Variants in PTPRN2 observed in about 807,000 individuals in gnomAD.
The protein encoded by PTPRN2 is receptor-type tyrosine-protein phosphatase N2.
PTPRN2 carries 74 observed loss-of-function variants against 118.8 expected under a neutral mutation model. The ratio of observed to expected loss-of-function variants is 0.62; its 90% CI spans 0.52 to 0.76. The LOEUF is 0.76. Ranked by LOEUF, PTPRN2 falls within the 30% of genes least tolerant of loss-of-function variation. The pLI is 0.00. For missense variants in PTPRN2, 1,481 were observed against 1,394.4 expected (o/e 1.06, Z -0.99); for synonymous variants, 641 against 608.0 (o/e 1.05, Z -0.80).
chr7:158,341,995 G>C (rs867796676), intron 2 of PTPRN2, among the ~76,000 whole-genome samples: 1,213 of 68,870 alleles, frequency 0.018, no homozygotes, highest in Middle Eastern at 0.074. Context: ...ACCATAAGAG[G>C]TGACACCTGC....
intron 1 of PTPRN2, among the ~76,000 whole-genome samples, chr7:158,575,904 T>C (rs1828294884): frequency 1.3e-5 from 2 of 152,248 alleles, no homozygotes; most frequent in Admixed American, 6.5e-5. Flanking sequence ...TAGATTGTTT[T>C]ATAGAAAACT....
rs1563254067 is a variant in PTPRN2 at position 158,407,130 on chromosome 7, GGTCCTGC to G, written c.163+82598_163+82604del. ...CCTGGGTCCTGCGTCCTGGGTCCTG[GGTCCTGC>G]GTCCTGCGTCCTGGGTCCTGGGTCC... On this transcript the variant is annotated intron_variant, in intron 2 of 22. Coordinates refer to ENST00000389418, the MANE Select transcript of PTPRN2 (RefSeq NM_002847.5). Among the ~76,000 whole-genome samples the G allele has an allele frequency of 1.1e-3, 166 of 146,122 alleles. 2 individuals carry two copies. The highest frequency in any genetic ancestry group is 3.6e-3 in the African/African-American group (144 of 39,792).
chr7:157,583,010 G>T lies in PTPRN2; in HGVS notation c.2497-4870C>A, dbSNP rs986263534. 1.3e-5 allele frequency among the ~76,000 whole-genome samples: 2 copies of T among 152,102 alleles called. No homozygotes were observed. Among genetic ancestry groups the T allele is most frequent in the African/African-American group, 2.4e-5 (1 of 41,430 alleles). On this transcript the variant is annotated intron_variant, in intron 17 of 22. Coordinates refer to ENST00000389418, the MANE Select transcript of PTPRN2 (RefSeq NM_002847.5). The surrounding 1 kb of genome is among the most constrained non-coding windows in gnomAD (Gnocchi z 5.5). ...AGGAAATAAAATCAGTGTGTGGAAG[G>T]GACATCAGCACCCCTTTGTTTATTG...
At chr7:158,472,176 C>T (rs552158889) in intron 2 of PTPRN2, among the ~76,000 whole-genome samples, 2 of 152,292 alleles carry the variant, frequency 1.3e-5, no homozygotes, top group Admixed American at 6.5e-5. Context: ...TCAAAGTCAC[C>T]GTGGGTCCCA....
chr7:158,326,903 ACATG>A, intron 2 of PTPRN2, among the ~76,000 whole-genome samples: 7 of 150,554 alleles, frequency 4.6e-5, no homozygotes, highest in South Asian at 2.1e-4. Flanking sequence ...ACATTCTCAC[ACATG>A]CACATGCTCA....
At chr7:157,755,942 A>G (rs1244081945) in intron 12 of PTPRN2, among the ~76,000 whole-genome samples, 1 of 152,222 alleles carries the variant, frequency 6.6e-6, no homozygotes, top group Non-Finnish European at 1.5e-5. Flanking sequence ...TTCCCACGGC[A>G]GCGTCCAGCA....
chr7:158,260,841 C>T (rs889903008), intron 3 of PTPRN2, among the ~76,000 whole-genome samples: 5 of 152,266 alleles, frequency 3.3e-5, no homozygotes, highest in African/African-American at 9.6e-5. Context: ...GCTGATCAGT[C>T]GCACAGGCCG....
At chr7:157,896,028 A>G (rs951202992) in intron 12 of PTPRN2, among the ~76,000 whole-genome samples, 2 of 152,108 alleles carry the variant, frequency 1.3e-5, no homozygotes, top group Admixed American at 6.5e-5. Flanking sequence ...CACAAAACCC[A>G]GACCCCCCGA....
intron 3 of PTPRN2, among the ~76,000 whole-genome samples, chr7:158,311,718 G>A (rs1354907902): frequency 3.9e-5 from 6 of 152,246 alleles, no homozygotes; most frequent in Non-Finnish European, 8.8e-5. Context: ...GAAGACGACA[G>A]GCAGAAGCAC....
chr7:158,456,600 A>G (rs1818526345), intron 2 of PTPRN2, among the ~76,000 whole-genome samples: 1 of 151,872 alleles, frequency 6.6e-6, no homozygotes, highest in Admixed American at 6.5e-5. Context: ...CGCAGAGAAG[A>G]TAACGGCACG....
chr7:158,341,392 C>A (rs1399606612), intron 2 of PTPRN2, among the ~76,000 whole-genome samples: 1 of 150,730 alleles, frequency 6.6e-6, no homozygotes, highest in African/African-American at 2.5e-5. Context: ...CACACTCTCA[C>A]CATAAGAGCT....
chr7:157,686,160 G>C (rs896414103), intron 12 of PTPRN2, among the ~76,000 whole-genome samples: 4 of 152,206 alleles, frequency 2.6e-5, no homozygotes, highest in Non-Finnish European at 4.4e-5. Flanking sequence ...GAAGTCGCTG[G>C]ATCCCAGGGC....
At chr7:157,650,757 G>A (rs1303015402) in intron 14 of PTPRN2, among the ~76,000 whole-genome samples, 10 of 152,240 alleles carry the variant, frequency 6.6e-5, no homozygotes, top group African/African-American at 2.4e-4. Flanking sequence ...GTGGCGTGGG[G>A]TGCAGGGGAC....
At chr7:158,374,847 A>G (rs992505440) in intron 2 of PTPRN2, among the ~76,000 whole-genome samples, 4 of 152,246 alleles carry the variant, frequency 2.6e-5, no homozygotes, top group Admixed American at 1.3e-4. Context: ...TCTAAGTCAC[A>G]GCACAGGCAG....
In PTPRN2 at chr7:157,729,664, G is replaced by A. The variant is rs1192199778; in HGVS notation, c.1789-46727C>T. Among the ~76,000 whole-genome samples the A allele has an allele frequency of 6.6e-6, 1 of 152,170 alleles. No homozygotes were observed. Among genetic ancestry groups the A allele is most frequent in the Non-Finnish European group, 1.5e-5 (1 of 68,028 alleles). The stretch of plus-strand genomic sequence containing the variant: ...TCCTGGTCCTGACCCAGTCCTGCAG[G>A]GAGGTCCTGGGAGGGTCGCTAGGGT... On this transcript the variant is annotated intron_variant, in intron 12 of 22. Transcript: ENST00000389418. The surrounding 1 kb of genome is among the most constrained non-coding windows in gnomAD (Gnocchi z 4.3).
In PTPRN2 at chr7:157,560,434, G is replaced by A. The variant is rs1011482394; in HGVS notation, c.2902+8468C>T. Among the ~76,000 whole-genome samples the A allele has an allele frequency of 2.0e-5, 3 of 152,276 alleles. No individual in the cohort carries two copies. Among genetic ancestry groups the A allele is most frequent in the African/African-American group, 7.2e-5 (3 of 41,546 alleles). On this transcript the variant is annotated intron_variant, in intron 21 of 22. Transcript: ENST00000389418. The surrounding 1 kb of genome is among the most constrained non-coding windows in gnomAD (Gnocchi z 6.7). ...CACCAGGCGATCGACACCAGGGTCC[G>A]CCTGTGCCCTGCCTGGGTGGGGTCA...
At chr7:158,191,273 C>A (rs897047184) in intron 5 of PTPRN2, among the ~76,000 whole-genome samples, 5 of 152,188 alleles carry the variant, frequency 3.3e-5, no homozygotes, top group African/African-American at 1.2e-4. Context: ...CTGGTGAGAC[C>A]CCAGTGGAGT....
At chr7:158,457,019 C>T (rs1033750831) in intron 2 of PTPRN2, among the ~76,000 whole-genome samples, 5 of 151,988 alleles carry the variant, frequency 3.3e-5, no homozygotes, top group South Asian at 4.2e-4. Context: ...TTCTAGTATC[C>T]GGTCAGTGCT....
At chr7:158,006,984 A>T (rs1805672330) in intron 11 of PTPRN2, among the ~76,000 whole-genome samples, 1 of 152,050 alleles carries the variant, frequency 6.6e-6, no homozygotes, top group East Asian at 1.9e-4. Flanking sequence ...ACAGAAATGT[A>T]CTCCGTCACA....
Sources: gnomAD v4.1 joint callset for allele counts (sites outside exome capture counted in the v4.1 genomes callset) on GRCh38, gnomAD v4.1.1 for gene constraint, Gnocchi (gnomAD v3.1) non-coding constraint, MANE v1.5 for transcripts, NCBI Gene and HGNC (gene_info 2026-07-23, HGNC 2026-07-21) for gene names.